OR6P1: variants seen among roughly 807,000 people sequenced by gnomAD.
The protein encoded by OR6P1 is olfactory receptor family 6 subfamily P member 1.
OR6P1 carries 5 observed loss-of-function variants against 6.6 expected under a neutral mutation model. That is an observed-to-expected ratio of 0.76 (90% CI 0.40 to 1.60). OR6P1 has a LOEUF of 1.60. OR6P1 is among the 40% of genes most tolerant of loss of function. OR6P1 has a pLI of 0.02. For synonymous variants in OR6P1, 177 were observed against 149.6 expected (o/e 1.18, Z -1.33); for missense variants, 451 against 383.0 (o/e 1.18, Z -1.48).
In OR6P1 at chr1:158,567,760, A is replaced by T. The variant is rs920695045; in HGVS notation, c.-117-902T>A. 8.6e-5 allele frequency among the ~76,000 whole-genome samples: 13 copies of T among 150,426 alleles called. 2 individuals carry two copies. The highest frequency in any genetic ancestry group is 7.9e-4 in the Admixed American group (12 of 15,118). On this transcript the variant is annotated intron_variant, in intron 1 of 2. Coordinates refer to ENST00000641540, the MANE Select transcript of OR6P1 (RefSeq NM_001160325.2). ...TATACATATGTAACTAACCTGCACA[A>T]TGTGCACATGTACCCTAAAACTTAA...
rs745388212 is a variant in OR6P1 at position 158,563,459 on chromosome 1, A to G, written c.146T>C (p.Ile49Thr). Residue 49 changes from isoleucine to threonine, a missense_variant, in exon 3 of 3, where the codon ATA (isoleucine) becomes ACA (threonine). Physicochemically the swap from Ile to Thr is moderately conservative, Grantham distance 89. Transcript: ENST00000641540. ...ACGATGAAGGCTTGGAGCAAGCCAT[A>G]TTGTGAAGACAATAAGTGCATTCTC... is the stretch of plus-strand genomic sequence containing the variant. Reference protein sequence around the residue: ...LLENALIVFTIWLAPSLHRPM... With the variant: ...LLENALIVFTTWLAPSLHRPM... 1 of 1,551,330 alleles carries G rather than the reference A, an allele frequency of 6.4e-7. No individual in the cohort carries two copies. The highest frequency in any genetic ancestry group is 8.7e-7 in the Non-Finnish European group (1 of 1,146,800).
At chr1:158,564,465 T>G (rs984605991) in intron 2 of OR6P1, among the ~76,000 whole-genome samples, 1 of 151,998 alleles carries the variant, frequency 6.6e-6, no homozygotes, top group African/African-American at 2.4e-5. Flanking sequence ...AAGACAGAGA[T>G]AGAGTGAAAT....
At chr1:158,565,672 A>G (rs774943087) in intron 2 of OR6P1, among the ~76,000 whole-genome samples, 4 of 152,186 alleles carry the variant, frequency 2.6e-5, no homozygotes, top group Non-Finnish European at 4.4e-5. Flanking sequence ...ATAATAATGT[A>G]TATTATGCTT....
At chr1:158,568,904 A>T (rs925338248) in intron 1 of OR6P1, among the ~76,000 whole-genome samples, 5 of 152,164 alleles carry the variant, frequency 3.3e-5, no homozygotes, top group African/African-American at 1.2e-4. Flanking sequence ...GGTAGCAGAG[A>T]TCTCACTCAT....
chr1:158,560,860 A>G lies in OR6P1; in HGVS notation c.*1791T>C, dbSNP rs754375931. ...AAGTAGCTTGAAGCTATTATTTCCC[A>G]CTAGATATCCTTAATACATTCATCA... On this transcript the variant is annotated 3_prime_UTR_variant, in exon 3 of 3. Transcript: ENST00000641540. 1 of 152,160 alleles carries G rather than the reference A, an allele frequency of 6.6e-6. No individual in the cohort carries two copies. The highest frequency in any genetic ancestry group is 6.5e-5 in the Admixed American group (1 of 15,280). The allele number at this position is 152,160 out of a possible 1,614,324, so 9.4% of individuals were successfully genotyped here.
At chr1:158,567,559 C>T (rs1648128809) in intron 1 of OR6P1, among the ~76,000 whole-genome samples, 1 of 147,024 alleles carries the variant, frequency 6.8e-6, no homozygotes, top group South Asian at 2.2e-4. Flanking sequence ...AAACCAAACA[C>T]CGCATATTCT....
Position 158,562,772 on chromosome 1 carries a change from T to C in OR6P1, c.833A>G (p.Tyr278Cys), listed in dbSNP as rs770027354. 1.3e-5 allele frequency: 20 copies of C among 1,553,612 alleles called. No homozygotes were observed. The South Asian group carries it at 1.7e-4, about 13-fold the overall frequency. Reference sequence around the variant, plus strand: ...GTTGAAGAATGGTACAATGATAGTGTAGAGCACAGAGATAATCTTGTTGTG... The same window carrying C: ...GTTGAAGAATGGTACAATGATAGTGCAGAGCACAGAGATAATCTTGTTGTG... ...FNHNKIISVLYTIIVPFFNPA... is the reference protein window; with the variant it reads ...FNHNKIISVLCTIIVPFFNPA... The change falls in exon 3 of 3, where the codon TAC (tyrosine) becomes TGC (cysteine). Residue 278 changes from tyrosine (Y) to cysteine (C), a missense_variant. Coordinates refer to ENST00000641540, the MANE Select transcript of OR6P1 (RefSeq NM_001160325.2).
chr1:158,561,652 ACAATT>A lies in OR6P1; in HGVS notation c.*994_*998del, dbSNP rs1399794515. On this transcript the variant is annotated 3_prime_UTR_variant, in exon 3 of 3. Transcript: ENST00000641540. ...TTCAAGATAAGAAAAATTTCTCTGA[ACAATT>A]CAAGTAACTTTCCAAAAATCAAAGG... The A allele has an allele frequency of 6.6e-6, 1 of 152,236 alleles. No individual in the cohort carries two copies. The highest frequency in any genetic ancestry group is 1.5e-5 in the Non-Finnish European group (1 of 68,034). The allele number at this position is 152,236 out of a possible 1,614,324, so 9.4% of individuals were successfully genotyped here.
intron 1 of OR6P1, among the ~76,000 whole-genome samples, chr1:158,569,856 T>A (rs1313574622): frequency 6.6e-6 from 1 of 152,202 alleles, no homozygotes; most frequent in African/African-American, 2.4e-5. Flanking sequence ...CCTGTACATC[T>A]TCCATGGAAA....
rs1006351676 is a variant in OR6P1 at position 158,561,237 on chromosome 1, T to C, written c.*1414A>G. 1 of 152,200 alleles carries C rather than the reference T, an allele frequency of 6.6e-6. No individual in the cohort carries two copies. Among genetic ancestry groups the C allele is most frequent in the African/African-American group, 2.4e-5 (1 of 41,446 alleles). The allele number at this position is 152,200 out of a possible 1,614,324, so 9.4% of individuals were successfully genotyped here. The stretch of plus-strand genomic sequence containing the variant: ...GGGTCTGAATTCTGAACTCCATGTC[T>C]CTCATAATTCTATGAAAGGAGAGGA... On this transcript the variant is annotated 3_prime_UTR_variant, in exon 3 of 3. Transcript: ENST00000641540.
intron 1 of OR6P1, among the ~76,000 whole-genome samples, chr1:158,570,165 T>C (rs112620301): frequency 6.6e-6 from 1 of 152,172 alleles, no homozygotes; most frequent in Non-Finnish European, 1.5e-5. Context: ...CCCTGACCAA[T>C]GCCTTCACAA....
At position 158,563,004 on chromosome 1, in the gene OR6P1, G is replaced by T. The variant is rs1238861642; in HGVS notation, c.601C>A (p.Leu201Ile). 1.3e-6 allele frequency: 2 copies of T among 1,551,642 alleles called. No homozygotes were observed. The highest frequency in any genetic ancestry group is 2.7e-5 in the African/African-American group (2 of 73,038). The change falls in exon 3 of 3, where the codon CTT (leucine) becomes ATT (isoleucine). Residue 201 changes from leucine to isoleucine, a missense_variant. Transcript: ENST00000641540. ...DKEQAELVDFLLALVMILLPL... is the reference protein window; with the variant it reads ...DKEQAELVDFILALVMILLPL... ...AGTAGAATCATCACCAGGGCCAGAAGGAAGTCTACTAGCTCTGCTTGCTCC... is the reference window on the plus strand; with the variant it reads ...AGTAGAATCATCACCAGGGCCAGAATGAAGTCTACTAGCTCTGCTTGCTCC...
At chr1:158,568,986 G>T (rs1648175444) in intron 1 of OR6P1, among the ~76,000 whole-genome samples, 1 of 152,112 alleles carries the variant, frequency 6.6e-6, no homozygotes, top group South Asian at 2.1e-4. Flanking sequence ...AATTAGTTAA[G>T]AAATAAATAA....
intron 2 of OR6P1, among the ~76,000 whole-genome samples, chr1:158,565,448 T>C (rs1380672535): frequency 1.3e-5 from 2 of 152,198 alleles, no homozygotes; most frequent in African/African-American, 4.8e-5. Flanking sequence ...TTGTAATATA[T>C]TTATAATTGC....
chr1:158,566,150 A>T (rs1272176047), intron 2 of OR6P1, among the ~76,000 whole-genome samples: 1 of 152,224 alleles, frequency 6.6e-6, no homozygotes, highest in Non-Finnish European at 1.5e-5. Flanking sequence ...ATTAAAGAGA[A>T]GTGGGAAAGG....
At chr1:158,564,929 G>C (rs1049453571) in intron 2 of OR6P1, among the ~76,000 whole-genome samples, 1 of 152,202 alleles carries the variant, frequency 6.6e-6, no homozygotes, top group African/African-American at 2.4e-5. Flanking sequence ...AGTCTGACTT[G>C]AGATTGGGTG....
At position 158,562,712 on chromosome 1, in the gene OR6P1, T is replaced by G. The variant is rs367957864; in HGVS notation, c.893A>C (p.Lys298Thr). The G allele has an allele frequency of 2.1e-5, 33 of 1,561,284 alleles. No individual in the cohort carries two copies. In the African/African-American group the frequency reaches 4.1e-4, roughly 19 times the overall value. Residue 298 changes from lysine (K) to threonine (T), a missense_variant, in exon 3 of 3, where the codon AAG (lysine) becomes ACG (threonine). Physicochemically the swap from Lys to Thr is moderately conservative, Grantham distance 78. Transcript: ENST00000641540. ...CATCACTGTCTTCCTGAAGGCCTCC[T>G]TCACCTCCTTGTTCCTCAGGCAGTA... ...AIYCLRNKEV[K>T]EAFRKTVMGR...
At chr1:158,568,857 T>C (rs1403521316) in intron 1 of OR6P1, among the ~76,000 whole-genome samples, 1 of 152,194 alleles carries the variant, frequency 6.6e-6, no homozygotes. Flanking sequence ...AATAGATCTA[T>C]GGGGTAGCTA....
In OR6P1 at chr1:158,561,206, G is replaced by A. The variant is rs538975662; in HGVS notation, c.*1445C>T. On this transcript the variant is annotated 3_prime_UTR_variant, in exon 3 of 3. Transcript: ENST00000641540. ...GCCAGGATCAAATTGAAATTTGCTC[G>A]TTCTAGGGTCTGAATTCTGAACTCC... 5 of 152,164 alleles carry A rather than the reference G, an allele frequency of 3.3e-5. No homozygotes were observed. The East Asian group carries it at 5.8e-4, about 18-fold the overall frequency. The allele number at this position is 152,164 out of a possible 1,614,324, so 9.4% of individuals were successfully genotyped here.
Sources: allele counts gnomAD v4.1 joint callset (sites outside exome capture counted in the v4.1 genomes callset), GRCh38; gene constraint gnomAD v4.1.1; transcripts MANE v1.5; gene names NCBI Gene and HGNC (gene_info 2026-07-23, HGNC 2026-07-21).